CD226: variants seen among roughly 807,000 people sequenced by gnomAD.
CD226 encodes CD226 molecule.
Under a neutral mutation model 34.9 loss-of-function variants are expected in CD226, and 24 were observed. The observed-to-expected ratio is 0.69, with a 90% CI of 0.50 to 0.97. CD226 has a LOEUF of 0.97. Ranked by LOEUF, CD226 falls within the 50% of genes least tolerant of loss-of-function variation. CD226 has a pLI of 0.00. For missense variants in CD226, 397 were observed against 412.7 expected (o/e 0.96, Z 0.33); for synonymous variants, 148 against 147.4 (o/e 1.00, Z -0.03).
intron 2 of CD226, among the ~76,000 whole-genome samples, chr18:69,897,869 T>C (rs866811364): frequency 1.3e-5 from 2 of 150,528 alleles, no homozygotes; most frequent in Non-Finnish European, 1.5e-5. Context: ...TGCGGTTCCA[T>C]GTGTCAAAAT....
intron 2 of CD226, among the ~76,000 whole-genome samples, chr18:69,907,100 C>T (rs2055264138): frequency 6.6e-6 from 1 of 152,148 alleles, no homozygotes; most frequent in Non-Finnish European, 1.5e-5. Flanking sequence ...GATCCTGTGC[C>T]CTTGCTGGAT....
At chr18:69,943,559 T>G (rs958470817) in intron 2 of CD226, among the ~76,000 whole-genome samples, 7 of 152,234 alleles carry the variant, frequency 4.6e-5, no homozygotes, top group Admixed American at 3.3e-4. Flanking sequence ...CTGTTTGCTC[T>G]TAAACTCTAG....
chr18:69,883,863 G>C (rs1388206422), intron 3 of CD226, among the ~76,000 whole-genome samples: 1 of 152,178 alleles, frequency 6.6e-6, no homozygotes, highest in Non-Finnish European at 1.5e-5. Flanking sequence ...CCAGGATCTG[G>C]GATTTGCTGG....
At chr18:69,955,707 C>T (rs761406098) in intron 1 of CD226, among the ~76,000 whole-genome samples, 1 of 151,756 alleles carries the variant, frequency 6.6e-6, no homozygotes, top group Non-Finnish European at 1.5e-5. Context: ...GCTAAAAATA[C>T]AAAAAATTAG....
chr18:69,864,839 A>G (rs918030129), intron 5 of CD226, among the ~76,000 whole-genome samples: 1 of 152,264 alleles, frequency 6.6e-6, no homozygotes, highest in African/African-American at 2.4e-5. Flanking sequence ...TTGTATAATC[A>G]TTAATCTTCT....
At chr18:69,900,631 C>T (rs1475537181) in intron 2 of CD226, among the ~76,000 whole-genome samples, 1 of 149,280 alleles carries the variant, frequency 6.7e-6, no homozygotes, top group African/African-American at 2.5e-5. Flanking sequence ...ACTCGGGAGG[C>T]TGAGGCAGGA....
chr18:69,881,130 G>A (rs138247752), intron 3 of CD226, among the ~76,000 whole-genome samples: 12 of 152,130 alleles, frequency 7.9e-5, no homozygotes, highest in East Asian at 5.8e-4. Context: ...ATATCACAGC[G>A]TACCCCCAAA....
At chr18:69,901,462 G>A (rs563488260) in intron 2 of CD226, among the ~76,000 whole-genome samples, 1 of 152,278 alleles carries the variant, frequency 6.6e-6, no homozygotes, top group East Asian at 1.9e-4. Flanking sequence ...GTGAGAAATA[G>A]AGAACAATAA....
At chr18:69,892,222 A>G (rs1339256390) in intron 3 of CD226, among the ~76,000 whole-genome samples, 2 of 152,250 alleles carry the variant, frequency 1.3e-5, no homozygotes, top group African/African-American at 2.4e-5. Flanking sequence ...TTTCTGCAAG[A>G]GCTGATTTTA....
At chr18:69,920,572 G>T (rs1050477207) in intron 2 of CD226, among the ~76,000 whole-genome samples, 4 of 151,976 alleles carry the variant, frequency 2.6e-5, no homozygotes, top group Non-Finnish European at 5.9e-5. Context: ...CTCCTCAAAA[G>T]AAAAATAACT....
Position 69,867,343 on chromosome 18 carries a change from C to A in CD226, c.885+14G>T, listed in dbSNP as rs1276795845. The A allele has an allele frequency of 6.4e-7, 1 of 1,565,984 alleles. No homozygotes were observed. Among genetic ancestry groups the A allele is most frequent in the East Asian group, 2.2e-5 (1 of 44,592 alleles). On this transcript the variant is annotated intron_variant, in intron 5 of 5. Transcript: ENST00000582621. ...ATTACAAAAGAAAAAAATGACAGTTCCGTATAAACTTACCTTCTGTGTATC... is the reference window on the plus strand; with the variant it reads ...ATTACAAAAGAAAAAAATGACAGTTACGTATAAACTTACCTTCTGTGTATC...
rs1462622865 is a variant in CD226 at position 69,946,687 on chromosome 18, G to T, written c.382+47C>A. ...CTTGGGCTTTATAGAAATAAATGTT[G>T]TAAGTGGATAAAAAGGGATTTAAAA... is the stretch of plus-strand genomic sequence containing the variant. On this transcript the variant is annotated intron_variant, in intron 2 of 5. Coordinates refer to ENST00000582621, the MANE Select transcript of CD226 (RefSeq NM_001303618.2). The T allele has an allele frequency of 4.1e-6, 5 of 1,226,580 alleles. No individual in the cohort carries two copies. In the Admixed American group the frequency reaches 8.9e-5, roughly 22 times the overall value. The allele number at this position is 1,226,580 out of a possible 1,614,324, so 76.0% of individuals were successfully genotyped here. A position where few individuals can be genotyped will look rare whatever the true frequency, so the allele number is the denominator to read the frequency against.
chr18:69,919,857 A>G (rs1244112300), intron 2 of CD226, among the ~76,000 whole-genome samples: 1 of 151,626 alleles, frequency 6.6e-6, no homozygotes, highest in Non-Finnish European at 1.5e-5. Flanking sequence ...TCTTACTTTC[A>G]TCTACTTTTG....
At chr18:69,864,626 C>G (rs550615480) in intron 5 of CD226, among the ~76,000 whole-genome samples, 187 bp from the exon 6 acceptor site, 1 of 152,176 alleles carries the variant, frequency 6.6e-6, no homozygotes, top group Non-Finnish European at 1.5e-5. Flanking sequence ...TGAGATGCAA[C>G]AGAAATCTAG....
intron 5 of CD226, among the ~76,000 whole-genome samples, chr18:69,865,909 C>T (rs1983113209): frequency 6.6e-6 from 1 of 152,078 alleles, no homozygotes; most frequent in South Asian, 2.1e-4. Context: ...TTAGTTTGGG[C>T]TGCTGTAACA....
chr18:69,880,357 A>AAAGAAAGGAAGGAAGG (rs1568165014), intron 3 of CD226, among the ~76,000 whole-genome samples: 1 of 89,532 alleles, frequency 1.1e-5, no homozygotes, highest in Non-Finnish European at 2.4e-5. Context: ...AGAAAGAAAG[A>AAAGAAAGGAAGGAAGG]AAGGAAGGAA....
intron 2 of CD226, among the ~76,000 whole-genome samples, chr18:69,896,337 G>A (rs942338369): frequency 1.3e-4 from 19 of 151,784 alleles, no homozygotes; most frequent in African/African-American, 2.2e-4. Flanking sequence ...GCCCGCCACC[G>A]CGCCCGGCTA....
chr18:69,873,274 A>G (rs1983656564), intron 3 of CD226, 28 bp from the exon 4 acceptor site: 2 of 1,235,082 alleles, frequency 1.6e-6, no homozygotes, highest in Non-Finnish European at 2.4e-6. Context: ...TATTGTAGGA[A>G]TTAGGAATTC....
At chr18:69,872,057 G>GGGGGGTGTGTGTGT (rs1555677203) in intron 4 of CD226, among the ~76,000 whole-genome samples, 1 of 143,430 alleles carries the variant, frequency 7.0e-6, no homozygotes. Flanking sequence ...ATTAACAAGG[G>GGGGGGTGTGTGTGT]GTGTGTGTGT....
Sources: gnomAD v4.1 joint callset for allele counts (sites outside exome capture counted in the v4.1 genomes callset) on GRCh38, gnomAD v4.1.1 for gene constraint, MANE v1.5 for transcripts, NCBI Gene and HGNC (gene_info 2026-07-23, HGNC 2026-07-21) for gene names.